The following CACNA2D4 variants were observed in gnomAD, a reference collection of about 807,000 sequenced individuals.
CACNA2D4 encodes the protein calcium voltage-gated channel auxiliary subunit alpha2delta 4, also known as voltage-dependent calcium channel subunit alpha-2/delta-4.
In CACNA2D4, 157 loss-of-function variants were observed where a neutral mutation model predicts 163.8. The observed-to-expected ratio is 0.96, with a 90% CI of 0.84 to 1.09. The LOEUF (loss-of-function observed/expected upper bound fraction) is 1.09. Ranked by LOEUF, CACNA2D4 falls within the 50% of genes least tolerant of loss-of-function variation. CACNA2D4 has a pLI of 0.00. For missense variants in CACNA2D4, 1,410 were observed against 1,479.9 expected (o/e 0.95, Z 0.78); for synonymous variants, 598 against 586.9 (o/e 1.02, Z -0.27).
At position 1,813,682 on chromosome 12, in the gene CACNA2D4, G is replaced by A. The variant is rs143168391; in HGVS notation, c.2552-1959C>T. Among the ~76,000 whole-genome samples, 502 of 152,280 alleles carry A rather than the reference G, an allele frequency of 3.3e-3. 1 individual carries two copies. The highest frequency in any genetic ancestry group is 5.1e-3 in the Non-Finnish European group (350 of 68,018). ...AGTCTCATGGCAATCCTGGGGTGGTGCTCCGGCTGGCTGGCCTTCTTGAAC... is the reference window on the plus strand; with the variant it reads ...AGTCTCATGGCAATCCTGGGGTGGTACTCCGGCTGGCTGGCCTTCTTGAAC... On this transcript the variant is annotated intron_variant, in intron 26 of 37. Transcript: ENST00000382722.
Position 1,884,873 on chromosome 12 carries a change from C to G in CACNA2D4, c.1167G>C (p.Glu389Asp). The change falls in exon 11 of 38, where the codon GAG becomes GAC. Residue 389 changes from glutamate (E) to aspartate (D), a missense_variant. Coordinates refer to ENST00000382722, the MANE Select transcript of CACNA2D4 (RefSeq NM_172364.5). ...GGTTGCAGAGGCTTCCTTGCTTGGC[C>G]TCTTGGAACTGTGTAGGGAAGAGGA... ...EAFQILKQFQ[E>D]AKQGSLCNQA... 6.2e-7 allele frequency: 1 copy of G among 1,613,630 alleles called. No homozygotes were observed. The highest frequency in any genetic ancestry group is 8.5e-7 in the Non-Finnish European group (1 of 1,179,634).
chr12:1,868,331 T>C (rs1162911381), intron 18 of CACNA2D4, among the ~76,000 whole-genome samples: 5 of 152,218 alleles, frequency 3.3e-5, no homozygotes, highest in African/African-American at 1.2e-4. Flanking sequence ...CTAGAGGACA[T>C]TATGCTACGT....
At chr12:1,831,489 G>C (rs147128526) in intron 26 of CACNA2D4, 3 of 1,613,722 alleles carry the variant, frequency 1.9e-6, no homozygotes, top group African/African-American at 1.3e-5. Flanking sequence ...TAACCTGCGT[G>C]AGTTCAAACA....
At chr12:1,805,916 G>C (rs905793733) in intron 29 of CACNA2D4, among the ~76,000 whole-genome samples, 3 of 152,246 alleles carry the variant, frequency 2.0e-5, no homozygotes, top group Admixed American at 6.5e-5. Context: ...GGGAAGGTGA[G>C]AGGGATTCAG....
At position 1,799,389 on chromosome 12, in the gene CACNA2D4, T is replaced by C. The variant is rs1304264192; in HGVS notation, c.2995+286A>G. Among the ~76,000 whole-genome samples, 2 of 152,174 alleles carry C rather than the reference T, an allele frequency of 1.3e-5. No homozygotes were observed. The highest frequency in any genetic ancestry group is 2.9e-5 in the Non-Finnish European group (2 of 68,018). ...GAGGTTGCTCACTCATACTGGCTCATGGCCACCCGGCCACACCACCGGCTT... is the reference window on the plus strand; with the variant it reads ...GAGGTTGCTCACTCATACTGGCTCACGGCCACCCGGCCACACCACCGGCTT... On this transcript the variant is annotated intron_variant, in intron 34 of 37. Coordinates refer to ENST00000382722, the MANE Select transcript of CACNA2D4 (RefSeq NM_172364.5). This position sits in a 1 kb window ranked among gnomAD's most constrained non-coding sequence, Gnocchi z 4.7.
Position 1,874,735 on chromosome 12 carries a change from G to A in CACNA2D4, c.1807-60C>T, listed in dbSNP as rs1412806826. The A allele has an allele frequency of 2.5e-6, 3 of 1,214,658 alleles. No homozygotes were observed. The highest frequency in any genetic ancestry group is 2.3e-5 in the East Asian group (1 of 42,956). The allele number at this position is 1,214,658 out of a possible 1,614,324, so 75.2% of individuals were successfully genotyped here. On this transcript the variant is annotated intron_variant, in intron 17 of 37. Transcript: ENST00000382722. This position sits in a 1 kb window ranked among gnomAD's most constrained non-coding sequence, Gnocchi z 4.4. ...GCTCACAGGGGATGGTGAAAGTATG[G>A]CATTCTTCAGACCAGATTAGAGGTG...
chr12:1,867,110 T>C (rs1445088303), intron 18 of CACNA2D4, among the ~76,000 whole-genome samples: 3 of 152,198 alleles, frequency 2.0e-5, no homozygotes. Flanking sequence ...TCCTTTAGCT[T>C]TTTTGAAGAT....
intron 6 of CACNA2D4, among the ~76,000 whole-genome samples, chr12:1,905,493 A>G (rs1866638214): frequency 1.3e-5 from 2 of 152,186 alleles, no homozygotes; most frequent in Non-Finnish European, 2.9e-5. Flanking sequence ...TCTAATAAAT[A>G]AATGCAGCAA....
intron 7 of CACNA2D4, 47 bp downstream of exon 7, chr12:1,886,962 A>G (rs1221306996): frequency 4.2e-6 from 6 of 1,430,834 alleles, no homozygotes; most frequent in Admixed American, 1.9e-5. Context: ...CCCAAAAGCT[A>G]TGAGATAAAT....
In CACNA2D4 at chr12:1,828,707, C is replaced by T. The variant is rs771569565; in HGVS notation, c.2551+12032G>A. ...GCTCCTTATGCCTCCGCTTTCCCAA[C>T]TCTCGGTAGAGGACCTAGTGGGCTC... On this transcript the variant is annotated intron_variant, in intron 26 of 37. Coordinates refer to ENST00000382722, the MANE Select transcript of CACNA2D4 (RefSeq NM_172364.5). The surrounding 1 kb of genome is among the most constrained non-coding windows in gnomAD (Gnocchi z 4.2). 3.9e-5 allele frequency among the ~76,000 whole-genome samples: 6 copies of T among 152,234 alleles called. No homozygotes were observed. Among genetic ancestry groups the T allele is most frequent in the Non-Finnish European group, 7.3e-5 (5 of 68,044 alleles).
chr12:1,858,324 G>A (rs1457514326), intron 20 of CACNA2D4, among the ~76,000 whole-genome samples: 6 of 152,142 alleles, frequency 3.9e-5, no homozygotes, highest in South Asian at 2.1e-4. Context: ...AAGGCCTCCC[G>A]GAAACTAGCA....
rs1256328901 is a variant in CACNA2D4 at position 1,797,423 on chromosome 12, G to C, written c.3108C>G (p.Cys1036Trp). ...GCGCCGCCCTGCGGTCTTACTTCTG[G>C]CAGGGCCCGCACTCCACGATCCCGT... ...EANGIVECGP[C>W]QKVFVVQQIP... is the part of the protein sequence containing the mutation. The change falls in exon 35 of 38, where the codon TGC becomes TGG. Residue 1036 changes from cysteine (C) to tryptophan (W), a missense_variant. Coordinates refer to ENST00000382722, the MANE Select transcript of CACNA2D4 (RefSeq NM_172364.5). 1.3e-6 allele frequency: 2 copies of C among 1,542,302 alleles called. No individual in the cohort carries two copies. Among genetic ancestry groups the C allele is most frequent in the Non-Finnish European group, 1.7e-6 (2 of 1,148,012 alleles).
intron 26 of CACNA2D4, among the ~76,000 whole-genome samples, chr12:1,840,143 C>G (rs10744554): frequency 0.89 from 134,726 of 152,212 alleles, 59,773 homozygotes; most frequent in East Asian, 1. Context: ...CAGAGGCCCA[C>G]GCAATTTCAG....
intron 9 of CACNA2D4, 59 bp from the exon 10 acceptor site, chr12:1,885,135 A>G (rs1271666985): frequency 3.5e-6 from 5 of 1,411,280 alleles, no homozygotes; most frequent in Non-Finnish European, 4.0e-6. Flanking sequence ...GTGGAGCTTC[A>G]TGTTTGGTGT....
rs144500161 is a variant in CACNA2D4, at chr12:1,820,022, C to T, written c.2552-8299G>A. On this transcript the variant is annotated intron_variant, in intron 26 of 37. Transcript: ENST00000382722. The surrounding 1 kb of genome is among the most constrained non-coding windows in gnomAD (Gnocchi z 6.0). ...AGGGTCATCTGGCACATGGACATGC[C>T]TGTGTACCCTTCTTTCGTATGACCG... Among the ~76,000 whole-genome samples, 419 of 152,330 alleles carry T rather than the reference C, an allele frequency of 2.8e-3. 10 individuals are homozygous for T. The highest frequency in any genetic ancestry group is 5.6e-3 in the Admixed American group (85 of 15,310).
rs1050301560 is a variant in CACNA2D4, at chr12:1,869,681, T to C, written c.1878+4923A>G. On this transcript the variant is annotated intron_variant, in intron 18 of 37. Coordinates refer to ENST00000382722, the MANE Select transcript of CACNA2D4 (RefSeq NM_172364.5). This position sits in a 1 kb window ranked among gnomAD's most constrained non-coding sequence, Gnocchi z 4.7. ...GATGCAGACACCAGCTTTCCATAGATTTCATAAACAGCTCCCACAGTTTCA... is the reference window on the plus strand; with the variant it reads ...GATGCAGACACCAGCTTTCCATAGACTTCATAAACAGCTCCCACAGTTTCA... Among the ~76,000 whole-genome samples the C allele has an allele frequency of 1.3e-5, 2 of 152,198 alleles. No homozygotes were observed. The highest frequency in any genetic ancestry group is 4.8e-5 in the African/African-American group (2 of 41,454).
chr12:1,846,822 G>A, intron 23 of CACNA2D4, 133 bp from the exon 24 acceptor site: 1 of 755,500 alleles, frequency 1.3e-6, no homozygotes, highest in Admixed American at 2.1e-5. Context: ...GGAAGGCTGG[G>A]TTCCTGGGAA....
At chr12:1,872,370 A>G (rs1204788521) in intron 18 of CACNA2D4, among the ~76,000 whole-genome samples, 3 of 152,228 alleles carry the variant, frequency 2.0e-5, no homozygotes, top group Admixed American at 2.0e-4. Flanking sequence ...GTGGAAAATA[A>G]GGATACCTAT....
At position 1,886,309 on chromosome 12, in the gene CACNA2D4, T is replaced by C. The variant is rs1443538228; in HGVS notation, c.907A>G (p.Lys303Glu). ...VILVDVSGSM[K>E]GLRMTIAKHT... The stretch of plus-strand genomic sequence containing the variant: ...TTGGCAATAGTCATCCTCAGCCCCT[T>C]CATACTGCCGCTCACGTCCACCAAA... The change falls in exon 8 of 38, where the codon AAG (lysine) becomes GAG (glutamate). Residue 303 changes from lysine to glutamate, a missense_variant. Coordinates refer to ENST00000382722, the MANE Select transcript of CACNA2D4 (RefSeq NM_172364.5). 1.2e-6 allele frequency: 2 copies of C among 1,613,692 alleles called. No homozygotes were observed. The highest frequency in any genetic ancestry group is 1.3e-5 in the African/African-American group (1 of 74,898).
Sources: allele counts gnomAD v4.1 joint callset (sites outside exome capture counted in the v4.1 genomes callset), GRCh38; gene constraint gnomAD v4.1.1; non-coding constraint Gnocchi (gnomAD v3.1); transcripts MANE v1.5; gene names NCBI Gene and HGNC (gene_info 2026-07-23, HGNC 2026-07-21).